Variants in ULK2 observed in about 807,000 individuals in gnomAD.
The protein encoded by ULK2 is unc-51 like autophagy activating kinase 2.
Under a neutral mutation model 127.5 loss-of-function variants are expected in ULK2, and 76 were observed. The observed-to-expected ratio is 0.60, with a 90% CI of 0.50 to 0.72. ULK2 has a LOEUF of 0.72. ULK2 is among the 30% of genes least tolerant of loss of function. The pLI is 0.00. For synonymous variants in ULK2, 452 were observed against 461.9 expected, an observed-to-expected ratio of 0.98 and a Z score of 0.28; for missense variants, 1,144 against 1,295.9, an observed-to-expected ratio of 0.88 and a Z score of 1.80.
intron 16 of ULK2, among the ~76,000 whole-genome samples, chr17:19,801,027 G>A (rs1597731839): frequency 6.6e-6 from 1 of 152,158 alleles, no homozygotes; most frequent in South Asian, 2.1e-4. Flanking sequence ...GAAGTGGGAA[G>A]ATCTGTAACA....
Position 19,816,755 on chromosome 17 carries a change from G to T in ULK2, c.1090C>A (p.His364Asn), listed in dbSNP as rs989773422. Residue 364 changes from histidine to asparagine, a missense_variant, in exon 13 of 27, where the codon CAC becomes AAC. Physicochemically the swap from His to Asn is moderately conservative, Grantham distance 68. Coordinates refer to ENST00000395544, the MANE Select transcript of ULK2 (RefSeq NM_014683.4). ...AAGTAGAAAAGATTCTCACATGAGT[G>T]GTCTGACGAGATGTTGTGTGGCACC... is the stretch of plus-strand genomic sequence containing the variant. Reference protein sequence around the residue: ...VLVPHNISSDHSCDMPVGTAG... With the variant: ...VLVPHNISSDNSCDMPVGTAG... 8.8e-6 allele frequency: 14 copies of T among 1,587,572 alleles called. No homozygotes were observed. Among genetic ancestry groups the T allele is most frequent in the Non-Finnish European group, 1.1e-5 (13 of 1,171,434 alleles).
rs2087296744 is a variant in ULK2 at position 19,797,457 on chromosome 17, G to A, written c.1748C>T (p.Pro583Leu). ...TTTAAAGAACCAGTCAGAACTCCGT[G>A]GAGAGGACCCCAAGTGCTTGGTGGG... ...TSPTKHLGSS[P>L]RSSDWFFKTP... is the part of the protein sequence containing the mutation. Residue 583 changes from proline to leucine, a missense_variant, in exon 18 of 27, where the codon CCA (proline) becomes CTA (leucine). By Grantham distance (98) the Pro-to-Leu change is moderately conservative. Around this residue, in one of 2 missense-constraint regions of ULK2, gnomAD observed 913 missense variants for 970.5 expected, o/e 0.94. Transcript: ENST00000395544. The A allele has an allele frequency of 6.2e-7, 1 of 1,613,852 alleles. No individual in the cohort carries two copies. The highest frequency in any genetic ancestry group is 1.3e-5 in the African/African-American group (1 of 74,914).
chr17:19,797,316 T>G, intron 18 of ULK2, 80 bp downstream of exon 18: 1 of 1,402,580 alleles, frequency 7.1e-7, no homozygotes. Context: ...AATAAAAAAA[T>G]TATAGCTATT....
intron 10 of ULK2, among the ~76,000 whole-genome samples, chr17:19,833,876 G>C (rs1047391721): frequency 1.3e-5 from 2 of 152,250 alleles, no homozygotes; most frequent in Admixed American, 1.3e-4. Flanking sequence ...AAGAGAAAGA[G>C]AAAGGGACAG....
rs1258868004 is a variant in ULK2, at chr17:19,777,598, A to G, written c.3035T>C (p.Ile1012Thr). The change falls in exon 26 of 27, where the codon ATT becomes ACT. Residue 1012 changes from isoleucine to threonine, a missense_variant. By Grantham distance (89) the Ile-to-Thr change is moderately conservative. This residue lies in a region of ULK2 where 913 missense variants were observed against 970.5 expected (regional missense o/e 0.94). Transcript: ENST00000395544. ...CAACTTACATTTATGCACATTTTCA[A>G]TATCTGCAGGGTCCTGTAGAATCCT... Reference protein sequence around the residue: ...LSRILQDPADIENVHKYKCSI... With the variant: ...LSRILQDPADTENVHKYKCSI... 5 of 1,597,558 alleles carry G rather than the reference A, an allele frequency of 3.1e-6. No homozygotes were observed. The highest frequency in any genetic ancestry group is 2.2e-5 in the East Asian group (1 of 44,802).
chr17:19,841,987 T>C (rs1177662197), intron 8 of ULK2, among the ~76,000 whole-genome samples: 2 of 152,044 alleles, frequency 1.3e-5, no homozygotes, highest in Non-Finnish European at 2.9e-5. Context: ...TACATTATTG[T>C]TGGGTAAAAT....
intron 14 of ULK2, 57 bp from the exon 15 acceptor site, chr17:19,804,887 C>T: frequency 6.4e-7 from 1 of 1,572,998 alleles, no homozygotes; most frequent in Non-Finnish European, 8.6e-7. Context: ...GTTTTTCTTT[C>T]ATTTGACCCA....
chr17:19,836,021 C>T (rs1010819791), intron 10 of ULK2, among the ~76,000 whole-genome samples: 1 of 151,660 alleles, frequency 6.6e-6, no homozygotes, highest in Non-Finnish European at 1.5e-5. Context: ...AATCTCAGCA[C>T]TTTGGGAGGC....
chr17:19,837,228 G>A (rs2041620834), intron 10 of ULK2, among the ~76,000 whole-genome samples: 1 of 152,040 alleles, frequency 6.6e-6, no homozygotes, highest in South Asian at 2.1e-4. Flanking sequence ...GATCAGCCTG[G>A]GCAACATGAC....
At chr17:19,860,031 G>T (rs987180113) in intron 3 of ULK2, among the ~76,000 whole-genome samples, 8 of 152,140 alleles carry the variant, frequency 5.3e-5, no homozygotes, top group African/African-American at 1.7e-4. Context: ...TACTGATTAT[G>T]AAAAGGTATC....
intron 22 of ULK2, among the ~76,000 whole-genome samples, chr17:19,783,437 G>C (rs1276757818): frequency 6.6e-6 from 1 of 151,972 alleles, no homozygotes; most frequent in African/African-American, 2.4e-5. Context: ...GGGTGACAGA[G>C]CAAGACTCTG....
At chr17:19,789,655 A>G (rs2087109894) in intron 20 of ULK2, among the ~76,000 whole-genome samples, 1 of 152,194 alleles carries the variant, frequency 6.6e-6, no homozygotes, top group African/African-American at 2.4e-5. Flanking sequence ...TCAAGATAAT[A>G]TAGAGAAGAA....
chr17:19,822,252 C>T (rs973244063), intron 12 of ULK2, among the ~76,000 whole-genome samples: 3 of 151,848 alleles, frequency 2.0e-5, no homozygotes, highest in African/African-American at 2.4e-5. Context: ...TCCCAAGGTG[C>T]TGGATTACAG....
chr17:19,864,897 A>C (rs2042320627), intron 2 of ULK2, 53 bp from the exon 3 acceptor site: 1 of 818,838 alleles, frequency 1.2e-6, no homozygotes, highest in South Asian at 3.6e-5. Context: ...TGACTTTACT[A>C]TATTTTAATA....
intron 13 of ULK2, among the ~76,000 whole-genome samples, chr17:19,813,123 TTCAGGCAAAA>T (rs1363059021): frequency 6.6e-6 from 1 of 152,168 alleles, no homozygotes; most frequent in Non-Finnish European, 1.5e-5. Context: ...GTTTATACTC[TTCAGGCAAAA>T]GATTGGATGA....
At chr17:19,834,654 A>G (rs551768534) in intron 10 of ULK2, among the ~76,000 whole-genome samples, 6 of 152,240 alleles carry the variant, frequency 3.9e-5, no homozygotes, top group East Asian at 1.9e-4. Flanking sequence ...GCTGACACCT[A>G]TAATTCCAGC....
intron 20 of ULK2, among the ~76,000 whole-genome samples, chr17:19,791,844 C>CA (rs58434256): frequency 0.038 from 1,812 of 48,110 alleles, 34 homozygotes; most frequent in Middle Eastern, 0.069. Flanking sequence ...ACCCTGTTTA[C>CA]AAAAAAAAAA....
At chr17:19,793,554 A>T (rs970179867) in intron 20 of ULK2, among the ~76,000 whole-genome samples, 2 of 152,226 alleles carry the variant, frequency 1.3e-5, no homozygotes, top group Admixed American at 1.3e-4. Context: ...TTTTAAAATT[A>T]GAATTATAAA....
chr17:19,837,855 C>T (rs1255589227), intron 10 of ULK2, among the ~76,000 whole-genome samples: 1 of 152,232 alleles, frequency 6.6e-6, no homozygotes, highest in Non-Finnish European at 1.5e-5. Flanking sequence ...CTTCCCCTTA[C>T]ATGCACACAG....
Sources: allele counts gnomAD v4.1 joint callset (sites outside exome capture counted in the v4.1 genomes callset), GRCh38; gene constraint gnomAD v4.1.1; regional missense constraint gnomAD v4.1.1; transcripts MANE v1.5; gene names NCBI Gene and HGNC (gene_info 2026-07-23, HGNC 2026-07-21).